Variants in IL16 observed in about 807,000 individuals in gnomAD.
IL16 encodes interleukin 16.
In IL16, 67 loss-of-function variants were observed where a neutral mutation model predicts 110.1. The ratio of observed to expected loss-of-function variants is 0.61; its 90% CI spans 0.50 to 0.75. The LOEUF (loss-of-function observed/expected upper bound fraction) is 0.75. IL16 is among the 30% of genes least tolerant of loss of function. The pLI is 0.00. For missense variants in IL16, 1,545 were observed against 1,655.0 expected, an observed-to-expected ratio of 0.93 and a Z score of 1.15; for synonymous variants, 689 against 662.9, an observed-to-expected ratio of 1.04 and a Z score of -0.61.
At chr15:81,229,747 A>T (rs539220567) in intron 2 of IL16, among the ~76,000 whole-genome samples, 6 of 152,230 alleles carry the variant, frequency 3.9e-5, no homozygotes, top group African/African-American at 1.4e-4. Context: ...GGGACACTCT[A>T]GTCCATGCCC....
rs569599841 is a variant in IL16, at chr15:81,226,080, T to C, written c.312+369T>C. ...AAATCACATCTTTCTTGTAGACTTA[T>C]AGAAACAGACTTATAGGGCCTGGGC... On this transcript the variant is annotated intron_variant, in intron 2 of 18. Transcript: ENST00000683961. Among the ~76,000 whole-genome samples the C allele has an allele frequency of 1.4e-4, 22 of 152,348 alleles. No individual in the cohort carries two copies. The South Asian group carries it at 4.3e-3, about 30-fold the overall frequency.
In IL16 at chr15:81,225,360, C is replaced by A. The variant is rs925368936; in HGVS notation, c.-40C>A. On this transcript the variant is annotated 5_prime_UTR_variant, in exon 2 of 19. Transcript: ENST00000683961. ...CCACCCGTCAGCCAAGGGCCAGAGA[C>A]CAGGAAAGGAAGAAAGGCAGCTTCA... 6.2e-7 allele frequency: 1 copy of A among 1,604,014 alleles called. No homozygotes were observed. The highest frequency in any genetic ancestry group is 8.5e-7 in the Non-Finnish European group (1 of 1,176,866).
chr15:81,214,628 A>G (rs1316287288), intron 1 of IL16, among the ~76,000 whole-genome samples: 1 of 151,930 alleles, frequency 6.6e-6, no homozygotes, highest in Admixed American at 6.6e-5. Flanking sequence ...TGTAGTATCT[A>G]GCCAGGGTTC....
At chr15:81,186,779 CTCCATCCCTCTG>C (rs1895425310) in intron 1 of IL16, among the ~76,000 whole-genome samples, 1 of 152,172 alleles carries the variant, frequency 6.6e-6, no homozygotes, top group African/African-American at 2.4e-5. Flanking sequence ...CTATCCATCT[CTCCATCCCTCTG>C]TCCATCCATG....
At chr15:81,292,417 T>A in intron 11 of IL16, 139 bp from the exon 12 acceptor site, 2 of 1,282,686 alleles carry the variant, frequency 1.6e-6, no homozygotes, top group Non-Finnish European at 2.2e-6. Flanking sequence ...ACTGCCATAC[T>A]CCAGATCCAC....
chr15:81,216,356 T>C (rs1896431267), intron 1 of IL16, among the ~76,000 whole-genome samples: 1 of 152,220 alleles, frequency 6.6e-6, no homozygotes, highest in African/African-American at 2.4e-5. Flanking sequence ...CCTCACTCAC[T>C]GCTTTCCCAG....
In IL16 at chr15:81,292,604, A is replaced by G. The variant is rs181119563; in HGVS notation, c.1469A>G (p.Lys490Arg). 156 of 1,606,458 alleles carry G rather than the reference A, an allele frequency of 9.7e-5. No homozygotes were observed. In the East Asian group the frequency reaches 3.4e-3, roughly 35 times the overall value. The change falls in exon 12 of 19, where the codon AAG (lysine) becomes AGG (arginine). Residue 490 changes from lysine to arginine, a missense_variant. Around this residue, in one of 3 missense-constraint regions of IL16, gnomAD observed 1,185 missense variants for 1,238.8 expected, o/e 0.96. Coordinates refer to ENST00000683961, the MANE Select transcript of IL16 (RefSeq NM_172217.5). ...SSWHGRPTLE[K>R]EREKNSAPPH... is the part of the protein sequence containing the mutation. ...TGGCACGGGCGGCCCACCTTGGAGA[A>G]GGAACGAGAGAAGAACTCAGCACCC...
chr15:81,250,552 GT>G (rs1897733724), intron 2 of IL16, among the ~76,000 whole-genome samples: 1 of 152,104 alleles, frequency 6.6e-6, no homozygotes, highest in Admixed American at 6.5e-5. Context: ...CAGCTCATAT[GT>G]TTTGTCATCT....
At chr15:81,200,999 A>C (rs937782571) in intron 1 of IL16, among the ~76,000 whole-genome samples, 6 of 152,128 alleles carry the variant, frequency 3.9e-5, no homozygotes, top group African/African-American at 1.4e-4. Context: ...GGATGGTTGT[A>C]GCCAACTCCA....
chr15:81,277,755 G>A (rs906375179), intron 6 of IL16, among the ~76,000 whole-genome samples: 1 of 152,142 alleles, frequency 6.6e-6, no homozygotes, highest in African/African-American at 2.4e-5. Flanking sequence ...GAAAAAGGAT[G>A]GATCATATAC....
chr15:81,275,474 G>T (rs1481218177), intron 6 of IL16, among the ~76,000 whole-genome samples: 3 of 150,856 alleles, frequency 2.0e-5, no homozygotes, highest in Non-Finnish European at 4.4e-5. Flanking sequence ...GAGGAAAAAA[G>T]AACAGTGGGA....
intron 4 of IL16, among the ~76,000 whole-genome samples, chr15:81,266,079 G>A (rs931988440): frequency 6.6e-6 from 1 of 152,246 alleles, no homozygotes; most frequent in African/African-American, 2.4e-5. Context: ...AACACGGCAC[G>A]CGGGGGGACC....
chr15:81,223,233 G>A (rs1206060868), intron 1 of IL16, among the ~76,000 whole-genome samples: 4 of 152,000 alleles, frequency 2.6e-5, no homozygotes, highest in Non-Finnish European at 4.4e-5. Context: ...GACTCTGTGG[G>A]CTGAGGCTTG....
At chr15:81,197,369 C>T (rs74642903) in intron 1 of IL16, among the ~76,000 whole-genome samples, 6,495 of 152,266 alleles carry the variant, frequency 0.043, 473 homozygotes, top group African/African-American at 0.15. Flanking sequence ...GAGGAAGCAG[C>T]TTCAGAAGGC....
intron 1 of IL16, among the ~76,000 whole-genome samples, chr15:81,201,076 C>T (rs1197113220): frequency 6.6e-6 from 1 of 152,144 alleles, no homozygotes; most frequent in Non-Finnish European, 1.5e-5. Flanking sequence ...GTCACATTTA[C>T]TGAAGCAGTG....
In IL16 at chr15:81,311,062, A is replaced by G. The variant is rs941866199; in HGVS notation, c.*2264A>G. 2.0e-5 allele frequency: 3 copies of G among 151,564 alleles called. No homozygotes were observed. The South Asian group carries it at 6.2e-4, about 31-fold the overall frequency. The allele number at this position is 151,564 out of a possible 1,614,324, so 9.4% of individuals were successfully genotyped here. A position where few individuals can be genotyped will look rare whatever the true frequency, so the allele number is the denominator to read the frequency against. On this transcript the variant is annotated 3_prime_UTR_variant, in exon 19 of 19. Transcript: ENST00000683961. ...GGAAGTCCTCTGGGTAGGAATCAGCAAGAAGATCCTAAAACAAAAGCTCAT... is the reference window on the plus strand; with the variant it reads ...GGAAGTCCTCTGGGTAGGAATCAGCGAGAAGATCCTAAAACAAAAGCTCAT...
intron 1 of IL16, among the ~76,000 whole-genome samples, chr15:81,221,239 C>T (rs1995831): frequency 2.0e-5 from 3 of 152,032 alleles, no homozygotes; most frequent in Non-Finnish European, 4.4e-5. Flanking sequence ...AACAACTGAT[C>T]GCATTAGCTT....
intron 11 of IL16, 134 bp from the exon 12 acceptor site, chr15:81,292,422 A>T (rs753984873): frequency 3.8e-6 from 5 of 1,317,308 alleles, no homozygotes; most frequent in South Asian, 3.6e-5. Flanking sequence ...CATACTCCAG[A>T]TCCACAGTGA....
intron 9 of IL16, among the ~76,000 whole-genome samples, chr15:81,284,022 AAGAG>A (rs71451572): frequency 0.13 from 18,257 of 145,558 alleles, 1,272 homozygotes; most frequent in South Asian, 0.28. Flanking sequence ...AAAAAAAAAA[AAGAG>A]AGAGAGAAGA....
Sources: allele counts gnomAD v4.1 joint callset (sites outside exome capture counted in the v4.1 genomes callset), GRCh38; gene constraint gnomAD v4.1.1; regional missense constraint gnomAD v4.1.1; transcripts MANE v1.5; gene names NCBI Gene and HGNC (gene_info 2026-07-23, HGNC 2026-07-21).